Variants in VIT observed in about 807,000 individuals in gnomAD.
VIT encodes vitrin.
Under a neutral mutation model 78.0 loss-of-function variants are expected in VIT, and 99 were observed. The observed-to-expected ratio is 1.27, with a 90% confidence interval of 1.08 to 1.50. The LOEUF is 1.50. VIT is among the 40% of genes most tolerant of loss of function. The pLI, the probability that VIT is intolerant of heterozygous loss-of-function variation, is 0.00. For missense variants in VIT, 1,126 were observed against 875.3 expected (o/e 1.29, Z -3.61); for synonymous variants, 374 against 334.3 (o/e 1.12, Z -1.29).
chr2:36,704,092 A>G (rs564986803), intron 1 of VIT, among the ~76,000 whole-genome samples: 28 of 151,934 alleles, frequency 1.8e-4, no homozygotes, highest in Non-Finnish European at 3.4e-4. Context: ...TGCCTGGCTA[A>G]TTTTTGTATT....
chr2:36,750,125 C>T (rs1178070841), intron 4 of VIT, among the ~76,000 whole-genome samples: 2 of 152,152 alleles, frequency 1.3e-5, no homozygotes, highest in South Asian at 2.1e-4. Context: ...CTCCAGACTA[C>T]GGAATAAAAA....
chr2:36,774,917 G>A, intron 8 of VIT, 85 bp from the exon 9 acceptor site: 2 of 1,585,854 alleles, frequency 1.3e-6, no homozygotes, highest in Non-Finnish European at 1.7e-6. Context: ...TCTGAACTAA[G>A]GTAATTTTCA....
chr2:36,732,677 C>T (rs1667281024), intron 3 of VIT, among the ~76,000 whole-genome samples: 1 of 152,182 alleles, frequency 6.6e-6, no homozygotes, highest in Admixed American at 6.5e-5. Flanking sequence ...GAAACAACAG[C>T]AACCCAGACT....
At chr2:36,733,182 C>G (rs67756954) in intron 3 of VIT, among the ~76,000 whole-genome samples, 1 of 152,012 alleles carries the variant, frequency 6.6e-6, no homozygotes, top group African/African-American at 2.4e-5. Context: ...GGGATTTGGG[C>G]AGGACGTGGG....
chr2:36,782,168 A>C (rs1209739309), intron 10 of VIT, among the ~76,000 whole-genome samples: 1 of 152,178 alleles, frequency 6.6e-6, no homozygotes, highest in Non-Finnish European at 1.5e-5. Flanking sequence ...TGCGTACTGC[A>C]TTAAATATTT....
At chr2:36,727,526 A>C (rs1260337174) in intron 2 of VIT, among the ~76,000 whole-genome samples, 4 of 152,216 alleles carry the variant, frequency 2.6e-5, no homozygotes, top group Non-Finnish European at 5.9e-5. Flanking sequence ...TCCTCTGGAA[A>C]ATGGAGATTT....
chr2:36,791,763 C>T (rs754140590), intron 12 of VIT, among the ~76,000 whole-genome samples: 1 of 152,214 alleles, frequency 6.6e-6, no homozygotes, highest in Non-Finnish European at 1.5e-5. Flanking sequence ...ACAGCTCTGG[C>T]CACACCTTGG....
intron 12 of VIT, among the ~76,000 whole-genome samples, chr2:36,799,279 G>A (rs1391045023): frequency 1.3e-5 from 2 of 152,148 alleles, no homozygotes; most frequent in Non-Finnish European, 2.9e-5. Flanking sequence ...TGGTTTCCTC[G>A]TGACTGCACC....
chr2:36,757,720 G>A (rs770811048), intron 5 of VIT, among the ~76,000 whole-genome samples: 33 of 152,174 alleles, frequency 2.2e-4, no homozygotes, highest in Non-Finnish European at 4.3e-4. Context: ...AGAAATTTTT[G>A]CATCTCTATG....
intron 8 of VIT, chr2:36,774,788 C>T (rs777728514): frequency 1.6e-4 from 153 of 985,316 alleles, no homozygotes; most frequent in Non-Finnish European, 1.8e-4. Context: ...TGGGACTCTA[C>T]AGGAGCCCAA....
intron 13 of VIT, among the ~76,000 whole-genome samples, chr2:36,802,473 T>C (rs1280463443): frequency 6.6e-6 from 1 of 152,218 alleles, no homozygotes; most frequent in East Asian, 1.9e-4. Flanking sequence ...AAGATTTCCC[T>C]TCCCACTTCA....
intron 12 of VIT, among the ~76,000 whole-genome samples, chr2:36,795,759 G>A (rs13394841): frequency 6.6e-6 from 1 of 151,948 alleles, no homozygotes; most frequent in African/African-American, 2.4e-5. Context: ...TCTTTTTTTA[G>A]TGCCACGTTT....
intron 4 of VIT, among the ~76,000 whole-genome samples, chr2:36,751,504 T>C (rs1291854519): frequency 6.6e-6 from 1 of 151,750 alleles, no homozygotes; most frequent in Non-Finnish European, 1.5e-5. Flanking sequence ...AACTGGGGAG[T>C]CCCAGCACTG....
intron 3 of VIT, among the ~76,000 whole-genome samples, chr2:36,731,391 A>G (rs559049485): frequency 5.5e-4 from 84 of 152,156 alleles, no homozygotes; most frequent in African/African-American, 2.0e-3. Flanking sequence ...CTTCTGCCTC[A>G]GCCTCCCAAG....
Position 36,767,301 on chromosome 2 carries a change from A to G in VIT, c.679+16A>G, listed in dbSNP as rs779010988. 3.3e-6 allele frequency: 5 copies of G among 1,509,860 alleles called. No homozygotes were observed. The Admixed American group carries it at 1.1e-4, about 34-fold the overall frequency. 93.5% of individuals were successfully genotyped at this position (1,509,860 alleles called of 1,614,324 possible). A position where few individuals can be genotyped will look rare whatever the true frequency, so the allele number is the denominator to read the frequency against. On this transcript the variant is annotated intron_variant, in intron 7 of 15. Coordinates refer to ENST00000379242, the MANE Select transcript of VIT (RefSeq NM_053276.4). ...CAGGAGATGGGTCAGTAGGTAGACC[A>G]TGTGTTGCTTTGTGCTAGGGAAATG... is the stretch of plus-strand genomic sequence containing the variant.
In VIT at chr2:36,781,375, G is replaced by C. The variant is rs147344967; in HGVS notation, c.803-352G>C. Among the ~76,000 whole-genome samples, 680 of 152,278 alleles carry C rather than the reference G, an allele frequency of 4.5e-3. 5 individuals are homozygous for C. The highest frequency in any genetic ancestry group is 6.8e-3 in the Middle Eastern group (2 of 294). ...AATCCCCTGTCTCTGGAGGTATCAA[G>C]CACTAGCCAGCCACTCACAGGCCAG... On this transcript the variant is annotated intron_variant, in intron 9 of 15. Transcript: ENST00000379242.
intron 10 of VIT, among the ~76,000 whole-genome samples, chr2:36,782,094 C>T (rs1352535035): frequency 1.3e-5 from 2 of 152,350 alleles, no homozygotes; most frequent in Middle Eastern, 3.4e-3. Flanking sequence ...CTTCCTCCAA[C>T]TCCACTTCCT....
intron 9 of VIT, among the ~76,000 whole-genome samples, chr2:36,776,466 C>A (rs1278881476): frequency 6.6e-6 from 1 of 152,110 alleles, no homozygotes; most frequent in African/African-American, 2.4e-5. Context: ...AAAATTAACG[C>A]TTACATTAAA....
chr2:36,703,239 G>C (rs943708255), intron 1 of VIT, among the ~76,000 whole-genome samples: 1 of 152,230 alleles, frequency 6.6e-6, no homozygotes, highest in Non-Finnish European at 1.5e-5. Context: ...CTGAGAGAGG[G>C]AGTCAGAGAT....
Sources: gnomAD v4.1 joint callset for allele counts (sites outside exome capture counted in the v4.1 genomes callset) on GRCh38, gnomAD v4.1.1 for gene constraint, MANE v1.5 for transcripts, NCBI Gene and HGNC (gene_info 2026-07-23, HGNC 2026-07-21) for gene names.